BEND6: variants seen among roughly 807,000 people sequenced by gnomAD.
The protein encoded by BEND6 is BEN domain-containing protein 6.
In BEND6, 24 loss-of-function variants were observed where a neutral mutation model predicts 31.8. The ratio of observed to expected loss-of-function variants is 0.75; its 90% CI spans 0.55 to 1.06. The LOEUF is 1.06. BEND6 is among the 50% of genes least tolerant of loss of function. The pLI is 0.00. For missense variants in BEND6, 294 were observed against 327.4 expected (o/e 0.90, Z 0.79); for synonymous variants, 109 against 114.6 (o/e 0.95, Z 0.31).
intron 3 of BEND6, among the ~76,000 whole-genome samples, chr6:57,006,940 T>C (rs1359463022): frequency 2.0e-5 from 3 of 152,162 alleles, no homozygotes; most frequent in Non-Finnish European, 4.4e-5. Flanking sequence ...CGATAATCAA[T>C]TGATTTTTGA....
chr6:57,000,389 A>C (rs1446347059), intron 3 of BEND6, among the ~76,000 whole-genome samples: 1 of 152,124 alleles, frequency 6.6e-6, no homozygotes, highest in East Asian at 1.9e-4. Flanking sequence ...TGAAGGCAGC[A>C]TGCTCATTAA....
chr6:56,997,843 C>T (rs765557730), intron 3 of BEND6, among the ~76,000 whole-genome samples: 2 of 152,106 alleles, frequency 1.3e-5, no homozygotes, highest in Admixed American at 6.6e-5. Flanking sequence ...TGAGCTACCG[C>T]GCCTGGCCCA....
At chr6:57,024,068 A>C (rs1478474269) in intron 6 of BEND6, among the ~76,000 whole-genome samples, 1 of 152,208 alleles carries the variant, frequency 6.6e-6, no homozygotes, top group Non-Finnish European at 1.5e-5. Flanking sequence ...GTTTTAAAAA[A>C]ACTTTATAAA....
chr6:56,983,522 T>C lies in BEND6; in HGVS notation c.120+1592T>C, dbSNP rs1203940058. On this transcript the variant is annotated intron_variant, in intron 2 of 6. Coordinates refer to ENST00000370746, the MANE Select transcript of BEND6 (RefSeq NM_152731.3). ...TTCTGTATCTCTGAATATTTGAAAG[T>C]TTTTTTTAGATTCCAGATGTAAGTG... Among the ~76,000 whole-genome samples, 5 of 151,952 alleles carry C rather than the reference T, an allele frequency of 3.3e-5. No individual in the cohort carries two copies. The South Asian group carries it at 1.0e-3, about 32-fold the overall frequency.
At chr6:57,017,166 C>A in intron 4 of BEND6, 41 bp from the exon 5 acceptor site, 1 of 1,486,258 alleles carries the variant, frequency 6.7e-7, no homozygotes, top group Non-Finnish European at 9.1e-7. Context: ...CTCCATACAG[C>A]ACTTTCTTTT....
chr6:57,001,434 A>T (rs1002229159), intron 3 of BEND6, among the ~76,000 whole-genome samples: 1 of 152,170 alleles, frequency 6.6e-6, no homozygotes, highest in African/African-American at 2.4e-5. Flanking sequence ...AAGTGCTGGG[A>T]TTACAGGCAT....
intron 3 of BEND6, among the ~76,000 whole-genome samples, chr6:56,995,102 C>A (rs1382994393): frequency 2.0e-5 from 3 of 152,024 alleles, no homozygotes; most frequent in Non-Finnish European, 4.4e-5. Flanking sequence ...CAGATCCCAT[C>A]CCCTTTTTTG....
At chr6:56,995,661 G>A (rs1362201606) in intron 3 of BEND6, among the ~76,000 whole-genome samples, 1 of 152,086 alleles carries the variant, frequency 6.6e-6, no homozygotes, top group Admixed American at 6.6e-5. Context: ...GTTCTTGTGT[G>A]CTTCTCTCTC....
chr6:57,015,806 G>A (rs1347262361), intron 4 of BEND6, among the ~76,000 whole-genome samples: 11 of 141,494 alleles, frequency 7.8e-5, no homozygotes, highest in African/African-American at 2.1e-4. Context: ...GCGAGACTCC[G>A]TCTGAAAAAA....
chr6:56,997,479 A>G (rs1202296916), intron 3 of BEND6, among the ~76,000 whole-genome samples: 1 of 152,196 alleles, frequency 6.6e-6, no homozygotes, highest in Non-Finnish European at 1.5e-5. Context: ...AAAGTTGGCA[A>G]TTGACTAGAC....
intron 1 of BEND6, among the ~76,000 whole-genome samples, chr6:56,962,348 A>G (rs1395523425): frequency 6.6e-6 from 1 of 152,212 alleles, no homozygotes; most frequent in Non-Finnish European, 1.5e-5. Context: ...CCAGGATACT[A>G]GGTCTCAATG....
chr6:57,007,265 A>G (rs1225292710), intron 3 of BEND6, among the ~76,000 whole-genome samples: 1 of 151,904 alleles, frequency 6.6e-6, no homozygotes, highest in Non-Finnish European at 1.5e-5. Flanking sequence ...TCCAGCCTAG[A>G]AGATGGAGTG....
chr6:57,017,078 A>T, intron 4 of BEND6, 129 bp from the exon 5 acceptor site: 1 of 308,864 alleles, frequency 3.2e-6, no homozygotes, highest in Non-Finnish European at 5.5e-6. Context: ...TATATATTAA[A>T]ATATATATAT....
chr6:57,016,284 G>T (rs918092650), intron 4 of BEND6, among the ~76,000 whole-genome samples: 5 of 152,120 alleles, frequency 3.3e-5, no homozygotes, highest in African/African-American at 1.2e-4. Context: ...CAAAATATTT[G>T]AATCTTAGTG....
rs1325502737 is a variant in BEND6 at position 56,992,522 on chromosome 6, A to G, written c.265A>G (p.Ser89Gly). 1.2e-6 allele frequency: 2 copies of G among 1,613,884 alleles called. No individual in the cohort carries two copies. Among genetic ancestry groups the G allele is most frequent in the South Asian group, 2.2e-5 (2 of 91,002 alleles). Residue 89 changes from serine to glycine, a missense_variant, in exon 3 of 7, where the codon AGC (serine) becomes GGC (glycine). Coordinates refer to ENST00000370746, the MANE Select transcript of BEND6 (RefSeq NM_152731.3). ...ACTAACAAACACCCGGAAAGAAAAC[A>G]GCCGACTTCGACAGTCTTTGGTCAT... is the stretch of plus-strand genomic sequence containing the variant. ...EKLTNTRKEN[S>G]RLRQSLVMLQ...
At chr6:57,008,445 A>G (rs943337757) in intron 3 of BEND6, 1 of 563,242 alleles carries the variant, frequency 1.8e-6, no homozygotes, top group African/African-American at 1.9e-5. Flanking sequence ...CTGTCTGTGT[A>G]ACTGGAGTGC....
chr6:56,980,103 G>A (rs1826017628), intron 1 of BEND6, among the ~76,000 whole-genome samples: 2 of 152,192 alleles, frequency 1.3e-5, no homozygotes, highest in Admixed American at 1.3e-4. Context: ...ATGTGAGAAG[G>A]AAGGAGCTAG....
chr6:56,992,387 T>C lies in BEND6; in HGVS notation c.130T>C (p.Tyr44His). 1 of 1,607,966 alleles carries C rather than the reference T, an allele frequency of 6.2e-7. No homozygotes were observed. The highest frequency in any genetic ancestry group is 8.5e-7 in the Non-Finnish European group (1 of 1,178,516). The change falls in exon 3 of 7, where the codon TAT becomes CAT. Residue 44 changes from tyrosine (Y) to histidine (H), a missense_variant. Transcript: ENST00000370746. ...SDMDKGQRDP[Y>H]SGNAFLPGES... ...CTGCCTTCTATTTTAGAGAGACCCA[T>C]ATTCGGGAAATGCCTTTCTGCCTGG... is the stretch of plus-strand genomic sequence containing the variant.
At chr6:56,986,935 CCTCT>C (rs1324034875) in intron 2 of BEND6, among the ~76,000 whole-genome samples, 1 of 151,660 alleles carries the variant, frequency 6.6e-6, no homozygotes, top group African/African-American at 2.4e-5. Flanking sequence ...CACCTTGTGG[CCTCT>C]CTGTCTAGAT....
Sources: gnomAD v4.1 joint callset for allele counts (sites outside exome capture counted in the v4.1 genomes callset) on GRCh38, gnomAD v4.1.1 for gene constraint, MANE v1.5 for transcripts, NCBI Gene and HGNC (gene_info 2026-07-23, HGNC 2026-07-21) for gene names.